ZNF521: variants seen among roughly 807,000 people sequenced by gnomAD.
The protein encoded by ZNF521 is zinc finger protein 521.
ZNF521 carries 14 observed loss-of-function variants against 105.5 expected under a neutral mutation model. The observed-to-expected ratio is 0.13, with a 90% CI of 0.09 to 0.21. The LOEUF is 0.21. Among genes scored for constraint, ZNF521 ranks in the 10% least tolerant of loss-of-function variants. The pLI is 1.00. For synonymous variants in ZNF521, 635 were observed against 606.0 expected (o/e 1.05, Z -0.70); for missense variants, 1,233 against 1,629.7 (o/e 0.76, Z 4.19).
chr18:25,125,767 G>C (rs1257338265), intron 5 of ZNF521, among the ~76,000 whole-genome samples: 2 of 151,302 alleles, frequency 1.3e-5, no homozygotes, highest in Non-Finnish European at 2.9e-5. Flanking sequence ...GTATGATTTG[G>C]TTGTGGTTTT....
At chr18:25,140,687 G>T (rs1317149038) in intron 5 of ZNF521, among the ~76,000 whole-genome samples, 1 of 152,156 alleles carries the variant, frequency 6.6e-6, no homozygotes, top group Non-Finnish European at 1.5e-5. Context: ...GTTTTGATAA[G>T]AATGACAAAT....
At chr18:25,296,147 T>G (rs1007968395) in intron 3 of ZNF521, among the ~76,000 whole-genome samples, 1 of 152,216 alleles carries the variant, frequency 6.6e-6, no homozygotes, top group Admixed American at 6.5e-5. Flanking sequence ...ACCTTGTTAC[T>G]TAGAGTCTAT....
At chr18:25,207,452 T>A (rs912084832) in intron 4 of ZNF521, among the ~76,000 whole-genome samples, 1 of 152,210 alleles carries the variant, frequency 6.6e-6, no homozygotes, top group African/African-American at 2.4e-5. Context: ...CGCCAGTTCT[T>A]GCTACTAACC....
At chr18:25,308,843 G>A (rs1239717716) in intron 3 of ZNF521, among the ~76,000 whole-genome samples, 1 of 152,004 alleles carries the variant, frequency 6.6e-6, no homozygotes, top group Non-Finnish European at 1.5e-5. Context: ...CATTACTTGT[G>A]GATGGTCTTC....
At chr18:25,350,331 C>T (rs1308822566) in intron 2 of ZNF521, among the ~76,000 whole-genome samples, 2 of 151,962 alleles carry the variant, frequency 1.3e-5, no homozygotes, top group African/African-American at 2.4e-5. Flanking sequence ...GTGCCCGCGG[C>T]CGGCGGCCGG....
chr18:25,092,438 G>A (rs2033766051), intron 5 of ZNF521, among the ~76,000 whole-genome samples: 1 of 152,162 alleles, frequency 6.6e-6, no homozygotes, highest in South Asian at 2.1e-4. Flanking sequence ...AGTGTGGACA[G>A]CTTCTTCCTC....
chr18:25,178,783 T>C (rs1600123748), intron 5 of ZNF521, among the ~76,000 whole-genome samples: 1 of 152,300 alleles, frequency 6.6e-6, no homozygotes, highest in Non-Finnish European at 1.5e-5. Context: ...CATCAGGCTT[T>C]GATGCAATGA....
intron 7 of ZNF521, among the ~76,000 whole-genome samples, chr18:25,073,242 T>A (rs2033269919): frequency 6.6e-6 from 1 of 152,226 alleles, no homozygotes; most frequent in Admixed American, 6.5e-5. Flanking sequence ...AATGGAAGCT[T>A]AAATTGATAA....
chr18:25,285,023 T>TTACC (rs1910616334), intron 3 of ZNF521, among the ~76,000 whole-genome samples: 1 of 151,898 alleles, frequency 6.6e-6, no homozygotes, highest in Non-Finnish European at 1.5e-5. Flanking sequence ...TGACTTTGTC[T>TTACC]TTAAGGACTT....
At chr18:25,112,652 G>GC (rs1487640145) in intron 5 of ZNF521, among the ~76,000 whole-genome samples, 1 of 152,146 alleles carries the variant, frequency 6.6e-6, no homozygotes, top group African/African-American at 2.4e-5. Flanking sequence ...AATGTGGGGT[G>GC]CGGGGGGGCA....
Position 25,062,233 on chromosome 18 carries a change from A to T in ZNF521, c.*479T>A. 1 of 218,298 alleles carries T rather than the reference A, an allele frequency of 4.6e-6. No homozygotes were observed. The highest frequency in any genetic ancestry group is 2.3e-5 in the African/African-American group (1 of 44,204). The allele number at this position is 218,298 out of a possible 1,614,324, so 13.5% of individuals were successfully genotyped here. On this transcript the variant is annotated 3_prime_UTR_variant, in exon 8 of 8. Coordinates refer to ENST00000361524, the MANE Select transcript of ZNF521 (RefSeq NM_015461.3). ...CTGTGGGGTTCTGTTCTGTGAGAACATCTCTTCATGGTTTGCAAGAATCTT... is the reference window on the plus strand; with the variant it reads ...CTGTGGGGTTCTGTTCTGTGAGAACTTCTCTTCATGGTTTGCAAGAATCTT...
At chr18:25,288,486 GT>G (rs1910828203) in intron 3 of ZNF521, among the ~76,000 whole-genome samples, 1 of 150,124 alleles carries the variant, frequency 6.7e-6, no homozygotes, top group Non-Finnish European at 1.5e-5. Context: ...AGATCCGTGG[GT>G]AGCTCACTCT....
chr18:25,235,291 T>C (rs1287502486), intron 3 of ZNF521, among the ~76,000 whole-genome samples: 9 of 152,166 alleles, frequency 5.9e-5, no homozygotes, highest in Admixed American at 5.9e-4. Context: ...CTTTGAAGGA[T>C]GACCTACACT....
At chr18:25,336,756 C>G (rs6508363) in intron 2 of ZNF521, among the ~76,000 whole-genome samples, 2 of 152,086 alleles carry the variant, frequency 1.3e-5, no homozygotes, top group Admixed American at 6.5e-5. Flanking sequence ...CACACAGGTA[C>G]ATAAAAATTC....
At position 25,286,922 on chromosome 18, in the gene ZNF521, T is replaced by C. The variant is rs151066286; in HGVS notation, c.220+35086A>G. Reference sequence around the variant, plus strand: ...GGTGGTTTCAATTCCAAATATCTTTTGCAAATTACATCATATGGGACTTAT... The same window carrying C: ...GGTGGTTTCAATTCCAAATATCTTTCGCAAATTACATCATATGGGACTTAT... On this transcript the variant is annotated intron_variant, in intron 3 of 7. Coordinates refer to ENST00000361524, the MANE Select transcript of ZNF521 (RefSeq NM_015461.3). Among the ~76,000 whole-genome samples the C allele has an allele frequency of 1.6e-4, 24 of 152,314 alleles. No homozygotes were observed. The East Asian group carries it at 4.2e-3, about 27-fold the overall frequency.
chr18:25,177,810 T>G (rs1455912377), intron 5 of ZNF521, among the ~76,000 whole-genome samples: 3 of 152,086 alleles, frequency 2.0e-5, no homozygotes, highest in African/African-American at 7.2e-5. Context: ...CAATGAAGAG[T>G]TGGCAATGAC....
At chr18:25,242,631 T>C (rs1907415150) in intron 3 of ZNF521, among the ~76,000 whole-genome samples, 1 of 152,210 alleles carries the variant, frequency 6.6e-6, no homozygotes, top group Non-Finnish European at 1.5e-5. Flanking sequence ...CAGTGATGAA[T>C]GCTAAAATTG....
intron 4 of ZNF521, 86 bp from the exon 5 acceptor site, chr18:25,195,330 G>T: frequency 2.8e-6 from 3 of 1,078,356 alleles, no homozygotes; most frequent in Non-Finnish European, 4.0e-6. Flanking sequence ...CTGAGATGCT[G>T]ATCTTACCTA....
At chr18:25,148,504 T>C (rs1274103503) in intron 5 of ZNF521, among the ~76,000 whole-genome samples, 4 of 152,172 alleles carry the variant, frequency 2.6e-5, no homozygotes, top group Admixed American at 2.6e-4. Context: ...CCTCCATTCC[T>C]CCCTTCCTGC....
Sources: allele counts gnomAD v4.1 joint callset (sites outside exome capture counted in the v4.1 genomes callset), GRCh38; gene constraint gnomAD v4.1.1; transcripts MANE v1.5; gene names NCBI Gene and HGNC (gene_info 2026-07-23, HGNC 2026-07-21).